The following PLXNB2 variants were observed in gnomAD, a reference collection of about 807,000 sequenced individuals.
PLXNB2 encodes plexin-B2.
In PLXNB2, 85 loss-of-function variants were observed where a neutral mutation model predicts 202.6. The observed-to-expected ratio is 0.42, with a 90% CI of 0.35 to 0.50. PLXNB2 has a LOEUF of 0.50. PLXNB2 is among the 20% of genes least tolerant of loss of function. PLXNB2 has a pLI of 0.02. For synonymous variants in PLXNB2, 1,239 were observed against 1,137.6 expected (o/e 1.09, Z -1.79); for missense variants, 2,063 against 2,586.2 (o/e 0.80, Z 4.39).
At chr22:50,305,779 G>A (rs1238035420) in intron 1 of PLXNB2, among the ~76,000 whole-genome samples, 1 of 152,110 alleles carries the variant, frequency 6.6e-6, no homozygotes, top group Non-Finnish European at 1.5e-5. Context: ...GACCACCATT[G>A]AGACTTCTCG....
At chr22:50,305,047 G>C (rs1353273678) in intron 1 of PLXNB2, among the ~76,000 whole-genome samples, 1 of 152,220 alleles carries the variant, frequency 6.6e-6, no homozygotes, top group Non-Finnish European at 1.5e-5. Flanking sequence ...CCTCGTGGCA[G>C]AGGCCTGGCA....
At chr22:50,305,148 G>A (rs549956586) in intron 1 of PLXNB2, among the ~76,000 whole-genome samples, 2 of 152,348 alleles carry the variant, frequency 1.3e-5, no homozygotes, top group South Asian at 2.1e-4. Flanking sequence ...CCACGCCCGC[G>A]TCCCAGGGGG....
At chr22:50,301,179 T>C (rs1390027886) in intron 1 of PLXNB2, among the ~76,000 whole-genome samples, 1 of 152,166 alleles carries the variant, frequency 6.6e-6, no homozygotes, top group Non-Finnish European at 1.5e-5. Context: ...TCCAGTTGGC[T>C]ACGGCGCCCT....
chr22:50,289,451 G>C lies in PLXNB2; in HGVS notation c.1068+66C>G. 1 of 1,493,972 alleles carries C rather than the reference G, an allele frequency of 6.7e-7. No individual in the cohort carries two copies. Among genetic ancestry groups the C allele is most frequent in the Non-Finnish European group, 8.9e-7 (1 of 1,118,162 alleles). The allele number at this position is 1,493,972 out of a possible 1,614,324, so 92.5% of individuals were successfully genotyped here. Reference sequence around the variant, plus strand: ...CACGTGCACCCTCCCCAGCAGGCTGGGACACGCAAACCCACGAACGGACGC... The same window carrying C: ...CACGTGCACCCTCCCCAGCAGGCTGCGACACGCAAACCCACGAACGGACGC... On this transcript the variant is annotated intron_variant, in intron 3 of 36. Coordinates refer to ENST00000359337, the MANE Select transcript of PLXNB2 (RefSeq NM_012401.4). The surrounding 1 kb of genome is among the most constrained non-coding windows in gnomAD (Gnocchi z 8.0).
chr22:50,275,646 G>A lies in PLXNB2; in HGVS notation c.*58C>T, dbSNP rs2065493024. ...CCACAGCCACTCGGCCTCCTCCCCTGAGGGGCTCTCAGGTACCTCAGGTAC... is the reference window on the plus strand; with the variant it reads ...CCACAGCCACTCGGCCTCCTCCCCTAAGGGGCTCTCAGGTACCTCAGGTAC... On this transcript the variant is annotated 3_prime_UTR_variant, in exon 37 of 37. Transcript: ENST00000359337. The A allele has an allele frequency of 1.6e-6, 2 of 1,258,618 alleles. No homozygotes were observed. Among genetic ancestry groups the A allele is most frequent in the South Asian group, 2.7e-5 (2 of 73,042 alleles). The allele number at this position is 1,258,618 out of a possible 1,614,324, so 78.0% of individuals were successfully genotyped here. A position where few individuals can be genotyped will look rare whatever the true frequency, so the allele number is the denominator to read the frequency against.
chr22:50,281,486 G>C lies in PLXNB2; in HGVS notation c.3536C>G (p.Ser1179Cys). 1 of 1,611,954 alleles carries C rather than the reference G, an allele frequency of 6.2e-7. No homozygotes were observed. The highest frequency in any genetic ancestry group is 8.5e-7 in the Non-Finnish European group (1 of 1,179,566). ...NLPEFIVKFGSREWVLGRVEY... is the reference protein window; with the variant it reads ...NLPEFIVKFGCREWVLGRVEY... ...CACGCGGCCCAGCACCCACTCGCGA[G>C]AGCCGAACTTCACCTGTGTGGGGGG... is the stretch of plus-strand genomic sequence containing the variant. Residue 1179 changes from serine (S) to cysteine (C), a missense_variant, in exon 22 of 37, where the codon TCT becomes TGT. Physicochemically the swap from Ser to Cys is moderately radical, Grantham distance 112. Coordinates refer to ENST00000359337, the MANE Select transcript of PLXNB2 (RefSeq NM_012401.4).
At chr22:50,280,714 G>GGCCA in intron 24 of PLXNB2, 30 bp downstream of exon 24, 2 of 1,528,940 alleles carry the variant, frequency 1.3e-6, no homozygotes, top group Non-Finnish European at 1.8e-6. Flanking sequence ...CCACCTGTGT[G>GGCCA]CCCTCCCGCC....
At chr22:50,279,883 A>G in intron 26 of PLXNB2, 107 bp from the exon 27 acceptor site, 1 of 1,469,216 alleles carries the variant, frequency 6.8e-7, no homozygotes, top group Non-Finnish European at 9.4e-7. Flanking sequence ...TGTCAGGGGC[A>G]GGAAGCAAAC....
chr22:50,299,595 G>A (rs534122199), intron 1 of PLXNB2, among the ~76,000 whole-genome samples: 1 of 152,114 alleles, frequency 6.6e-6, no homozygotes, highest in South Asian at 2.1e-4. Context: ...CAAGCGCGAG[G>A]GGGGTGCCGC....
chr22:50,296,338 G>A (rs1000353689), intron 1 of PLXNB2, among the ~76,000 whole-genome samples: 5 of 152,084 alleles, frequency 3.3e-5, no homozygotes, highest in Admixed American at 6.6e-5. Context: ...CTTGAGCCCA[G>A]GAGGTCTAGG....
intron 8 of PLXNB2, 85 bp from the exon 9 acceptor site, chr22:50,286,372 G>A (rs1278449218): frequency 2.1e-6 from 2 of 936,814 alleles, no homozygotes; most frequent in East Asian, 2.4e-5. Flanking sequence ...TGACTCCTGG[G>A]GCCAAGGTGG....
rs764159892 is a variant in PLXNB2 at position 50,280,470 on chromosome 22, T to C, written c.4175+19A>G. ...GCCGCCCCGCCCGTGGCCCCGCTCG[T>C]GGCCCCGCCCATGTGCACCTGCGCA... On this transcript the variant is annotated intron_variant, in intron 25 of 36. Transcript: ENST00000359337. 13 of 1,584,618 alleles carry C rather than the reference T, an allele frequency of 8.2e-6. No individual in the cohort carries two copies. The highest frequency in any genetic ancestry group is 1.7e-4 in the Middle Eastern group (1 of 5,978).
chr22:50,275,688 C>T lies in PLXNB2; in HGVS notation c.*16G>A, dbSNP rs1035920470. 6.5e-7 allele frequency: 1 copy of T among 1,542,108 alleles called. No individual in the cohort carries two copies. ...CTCAGGTACCTATGTCCCAAGGCAG[C>T]ACTGGAGATTGTAGGTCAGAGGTCA... On this transcript the variant is annotated 3_prime_UTR_variant, in exon 37 of 37. Coordinates refer to ENST00000359337, the MANE Select transcript of PLXNB2 (RefSeq NM_012401.4).
chr22:50,289,857 C>T lies in PLXNB2; in HGVS notation c.728G>A (p.Arg243His), dbSNP rs1227754334. Residue 243 changes from arginine (R) to histidine (H), a missense_variant, in exon 3 of 37, where the codon CGC becomes CAC. Arg to His is a conservative substitution (Grantham distance 29). This residue lies in a region of PLXNB2 where 1,303 missense variants were observed against 1,476.8 expected (regional missense o/e 0.88). Transcript: ENST00000359337. The surrounding 1 kb of genome is among the most constrained non-coding windows in gnomAD (Gnocchi z 8.0). ...NQQDKHPARNRTLLARMCRED... is the reference protein window; with the variant it reads ...NQQDKHPARNHTLLARMCRED... ...TCTGCACATGCGTGCCAGCAGCGTGCGGTTCCGGGCCGGGTGCTTGTCCTG... is the reference window on the plus strand; with the variant it reads ...TCTGCACATGCGTGCCAGCAGCGTGTGGTTCCGGGCCGGGTGCTTGTCCTG... 4 of 1,613,270 alleles carry T rather than the reference C, an allele frequency of 2.5e-6. No homozygotes were observed. The highest frequency in any genetic ancestry group is 3.4e-6 in the Non-Finnish European group (4 of 1,180,028).
In PLXNB2 at chr22:50,291,878, G is replaced by A. The variant is rs1268647863; in HGVS notation, c.-13-1281C>T. On this transcript the variant is annotated intron_variant, in intron 2 of 36. Transcript: ENST00000359337. The surrounding 1 kb of genome is among the most constrained non-coding windows in gnomAD (Gnocchi z 4.3). ...GCAGGTGCCAAGGGGGTCCAGACTC[G>A]ATGGCAGAGGGTTACGAGGGATGGA... Among the ~76,000 whole-genome samples, 3 of 152,146 alleles carry A rather than the reference G, an allele frequency of 2.0e-5. No homozygotes were observed. The highest frequency in any genetic ancestry group is 2.9e-5 in the Non-Finnish European group (2 of 68,010).
chr22:50,281,068 C>CA (rs1185041994), intron 23 of PLXNB2, 21 bp downstream of exon 23: 5 of 1,608,518 alleles, frequency 3.1e-6, no homozygotes, highest in Non-Finnish European at 4.3e-6. Context: ...GCCCCAGCAC[C>CA]AGCCCCCAAG....
In PLXNB2 at chr22:50,282,939, C is replaced by T. The variant is rs552775719; in HGVS notation, c.2817-58G>A. On this transcript the variant is annotated intron_variant, in intron 17 of 36. Coordinates refer to ENST00000359337, the MANE Select transcript of PLXNB2 (RefSeq NM_012401.4). ...CCCTCCCCCGGGACCAGCCCCAGCC[C>T]GACCAGGCTGGCCCCGCCATCCCCT... The T allele has an allele frequency of 1.2e-3, 1,856 of 1,558,848 alleles. 4 individuals carry two copies. The highest frequency in any genetic ancestry group is 1.4e-3 in the Non-Finnish European group (1,648 of 1,148,650).
In PLXNB2 at chr22:50,286,217, G is replaced by C; in HGVS notation, c.1833C>G (p.Pro611=). The change falls in exon 9 of 37, where the codon CCC becomes CCG. Residue 611 remains proline, a synonymous_variant. Coordinates refer to ENST00000359337, the MANE Select transcript of PLXNB2 (RefSeq NM_012401.4). ...TCATGGCCTGGCGGCAGTCGTAGAA[G>C]GGGTACTGGTAGGACGTGAGGAAGA... ...GNIFLTSYQY[P]FYDCRQAMSL... 6.2e-7 allele frequency: 1 copy of C among 1,613,282 alleles called. No individual in the cohort carries two copies. The highest frequency in any genetic ancestry group is 8.5e-7 in the Non-Finnish European group (1 of 1,179,932).
chr22:50,282,822 A>C lies in PLXNB2; in HGVS notation c.2876T>G (p.Met959Arg), dbSNP rs2066112175. ...CCCCCCGTAGGAGACCTCCAGAAGC[A>C]TCTGGCCCCGTGTCGCCTGGGGGCC... ...VTGPQATRGQ[M>R]LLEVSYGGSP... The change falls in exon 18 of 37, where the codon ATG becomes AGG. Residue 959 changes from methionine to arginine, a missense_variant. By Grantham distance (91) the Met-to-Arg change is moderately conservative. This residue lies in a region of PLXNB2 where 1,303 missense variants were observed against 1,476.8 expected (regional missense o/e 0.88). Coordinates refer to ENST00000359337, the MANE Select transcript of PLXNB2 (RefSeq NM_012401.4). 6.2e-7 allele frequency: 1 copy of C among 1,612,856 alleles called. No homozygotes were observed. The highest frequency in any genetic ancestry group is 1.3e-5 in the African/African-American group (1 of 75,010).
Sources: allele counts gnomAD v4.1 joint callset (sites outside exome capture counted in the v4.1 genomes callset), GRCh38; gene constraint gnomAD v4.1.1; regional missense constraint gnomAD v4.1.1; non-coding constraint Gnocchi (gnomAD v3.1); transcripts MANE v1.5; gene names NCBI Gene and HGNC (gene_info 2026-07-23, HGNC 2026-07-21).